The following GEMIN8 variants were observed in gnomAD, a reference collection of about 807,000 sequenced individuals.
The protein encoded by GEMIN8 is gem nuclear organelle associated protein 8.
For missense variants in GEMIN8, 185 were observed against 205.9 expected (o/e 0.90, Z 0.62); for synonymous variants, 80 against 78.5 (o/e 1.02, Z -0.10).
At chrX:14,004,894 T>A (rs1384471503), downstream of GEMIN8, among the ~76,000 whole-genome samples, 2 of 111,631 alleles carry the variant, frequency 1.8e-5, no homozygotes, top group East Asian at 5.6e-4. Flanking sequence ...CATTTGCCTA[T>A]CTGAAGGGTA....
intron 4 of GEMIN8, among the ~76,000 whole-genome samples, chrX:14,013,406 CT>C (rs1358889487): frequency 8.9e-6 from 1 of 112,313 alleles, no homozygotes; most frequent in Non-Finnish European, 1.9e-5. Context: ...AATCAGAAAT[CT>C]TTTTTGATTC....
At chrX:13,994,557 A>G in the GEMIN8 span, among the ~76,000 whole-genome samples, 1 of 112,681 alleles carries the variant, frequency 8.9e-6, no homozygotes. Context: ...AGTGACCCAG[A>G]AAATGGTGGA....
At chrX:14,021,198 G>A (rs188892959) in intron 3 of GEMIN8, among the ~76,000 whole-genome samples, 1 of 94,338 alleles carries the variant, frequency 1.1e-5, no homozygotes, top group African/African-American at 4.0e-5. Flanking sequence ...TGAACAATGA[G>A]AACACATGGA....
chrX:14,004,346 CTAT>C (rs1434477057), downstream of GEMIN8, among the ~76,000 whole-genome samples: 9 of 112,020 alleles, frequency 8.0e-5, no homozygotes, highest in African/African-American at 1.3e-4. Context: ...CAATTGTTTG[CTAT>C]TATTATGTGG....
intron 2 of GEMIN8, among the ~76,000 whole-genome samples, chrX:14,022,993 G>T (rs1245315875): frequency 8.9e-6 from 1 of 111,803 alleles, no homozygotes; most frequent in East Asian, 2.8e-4. Context: ...TTTCAAATAG[G>T]GTATTTCTAA....
At chrX:13,998,508 C>T in the GEMIN8 span, among the ~76,000 whole-genome samples, 21 of 111,058 alleles carry the variant, frequency 1.9e-4, no homozygotes, top group East Asian at 4.8e-3. Context: ...CTTTGCCTTC[C>T]GCCATGATTG....
chrX:13,997,898 C>CAAAA, the GEMIN8 span, among the ~76,000 whole-genome samples: 1 of 45,118 alleles, frequency 2.2e-5, no homozygotes. Context: ...GACTCTGTCT[C>CAAAA]AAAAAAAAAA....
chrX:14,020,016 A>G (rs894190707), intron 4 of GEMIN8, 62 bp downstream of exon 4: 7 of 629,084 alleles, frequency 1.1e-5, no homozygotes, highest in Non-Finnish European at 1.7e-5. Flanking sequence ...TATATTAGAG[A>G]AAAAAAATGT....
the GEMIN8 span, among the ~76,000 whole-genome samples, chrX:13,996,501 G>A: frequency 9.0e-6 from 1 of 111,518 alleles, no homozygotes; most frequent in African/African-American, 3.3e-5. Flanking sequence ...CATGAGAACA[G>A]CATGGGAGAG....
the GEMIN8 span, among the ~76,000 whole-genome samples, chrX:14,000,264 T>A: frequency 9.0e-6 from 1 of 110,800 alleles, no homozygotes. Flanking sequence ...CACACCACTG[T>A]ACTCCAGCCT....
At chrX:14,016,869 ATATAT>A (rs1569359687) in intron 4 of GEMIN8, among the ~76,000 whole-genome samples, 576 of 53,951 alleles carry the variant, frequency 0.011, 10 homozygotes, top group African/African-American at 0.041. Flanking sequence ...AAAAAAAAAT[ATATAT>A]ATATATATAT....
downstream of GEMIN8, among the ~76,000 whole-genome samples, chrX:14,003,965 G>A (rs775436354): frequency 1.8e-5 from 2 of 111,920 alleles, no homozygotes; most frequent in Admixed American, 1.9e-4. Context: ...TCAAAGCTGG[G>A]TTATTACCAT....
rs757450823 is a variant in GEMIN8 at position 14,017,296 on chromosome X, C to A, written c.472+2782G>T. 4.5e-5 allele frequency among the ~76,000 whole-genome samples: 5 copies of A among 111,552 alleles called. No individual in the cohort carries two copies. The South Asian group carries it at 1.1e-3, about 25-fold the overall frequency. On this transcript the variant is annotated intron_variant, in intron 4 of 4. Coordinates refer to ENST00000680255, the MANE Select transcript of GEMIN8 (RefSeq NM_001042479.2). The stretch of plus-strand genomic sequence containing the variant: ...ACTGTTGCCAGCAATAATATGAATA[C>A]TGGAAAATGAGGTTCAAGATGGAAG...
the GEMIN8 span, among the ~76,000 whole-genome samples, chrX:13,999,482 C>T: frequency 9.1e-6 from 1 of 110,458 alleles, no homozygotes; most frequent in Admixed American, 9.7e-5. Flanking sequence ...CACCGTGTTG[C>T]CCAGGCTGAT....
At chrX:13,996,407 C>A in the GEMIN8 span, among the ~76,000 whole-genome samples, 1 of 112,041 alleles carries the variant, frequency 8.9e-6, no homozygotes, top group African/African-American at 3.2e-5. Flanking sequence ...TACAGTTCCA[C>A]GTGGCTGGAG....
intron 4 of GEMIN8, among the ~76,000 whole-genome samples, chrX:14,018,766 CTTT>C (rs58528171): frequency 6.5e-5 from 6 of 91,871 alleles, no homozygotes; most frequent in Non-Finnish European, 8.7e-5. Flanking sequence ...CTTTTCTTTT[CTTT>C]TTTTTTTTTT....
At position 14,020,213 on chromosome X, in the gene GEMIN8, C is replaced by G; in HGVS notation, c.337G>C (p.Asp113His). 8.3e-7 allele frequency: 1 copy of G among 1,210,342 alleles called. No homozygotes were observed. The highest frequency in any genetic ancestry group is 1.1e-6 in the Non-Finnish European group (1 of 894,205). The stretch of plus-strand genomic sequence containing the variant: ...TCTTCCTCTTTGGACAAAGCTTGGT[C>G]TTCTTTTGTGGATGCCTGGATCCTA... Reference protein sequence around the residue: ...SSRIQASTKEDQALSKEEEME... With the variant: ...SSRIQASTKEHQALSKEEEME... The change falls in exon 4 of 5, where the codon GAC becomes CAC. Residue 113 changes from aspartate (D) to histidine (H), a missense_variant. Coordinates refer to ENST00000680255, the MANE Select transcript of GEMIN8 (RefSeq NM_001042479.2).
chrX:14,015,893 T>A (rs984056739), intron 4 of GEMIN8, among the ~76,000 whole-genome samples: 1 of 112,010 alleles, frequency 8.9e-6, no homozygotes, highest in Non-Finnish European at 1.9e-5. Context: ...TGTATGTAAC[T>A]AACCCTCCAT....
chrX:13,986,864 C>G, the GEMIN8 span, among the ~76,000 whole-genome samples: 1 of 112,356 alleles, frequency 8.9e-6, no homozygotes, highest in Non-Finnish European at 1.9e-5. Context: ...TTCCCAAATG[C>G]TGGTTCTAAG....
Sources: gnomAD v4.1 joint callset for allele counts (sites outside exome capture counted in the v4.1 genomes callset) on GRCh38, gnomAD v4.1.1 for gene constraint, MANE v1.5 for transcripts, NCBI Gene and HGNC (gene_info 2026-07-23, HGNC 2026-07-21) for gene names.